FOXN3: variants seen among roughly 807,000 people sequenced by gnomAD.
The protein encoded by FOXN3 is forkhead box protein N3.
A neutral mutation model predicts 38.4 loss-of-function variants in FOXN3; 7 were observed. The observed-to-expected ratio is 0.18, with a 90% CI of 0.10 to 0.34. FOXN3 has a LOEUF of 0.34. Among genes scored for constraint, FOXN3 ranks in the 10% least tolerant of loss-of-function variants. The pLI, the probability that FOXN3 is intolerant of heterozygous loss-of-function variation, is 1.00. For missense variants in FOXN3, 456 were observed against 613.4 expected (o/e 0.74, Z 2.71); for synonymous variants, 230 against 242.2 (o/e 0.95, Z 0.47).
At chr14:89,196,114 C>T (rs1436214807) in intron 4 of FOXN3, among the ~76,000 whole-genome samples, 10 of 152,200 alleles carry the variant, frequency 6.6e-5, no homozygotes, top group Non-Finnish European at 8.8e-5. Flanking sequence ...TATCACATTG[C>T]CTCTTCTCTG....
intron 1 of FOXN3, among the ~76,000 whole-genome samples, chr14:89,475,106 G>A (rs751560844): frequency 6.6e-6 from 1 of 152,018 alleles, no homozygotes; most frequent in Non-Finnish European, 1.5e-5. Context: ...GAGCCACCGC[G>A]CCCGGCCAGG....
intron 4 of FOXN3, chr14:89,230,815 C>G (rs1393441540): frequency 2.2e-6 from 1 of 451,582 alleles, no homozygotes; most frequent in Non-Finnish European, 4.5e-6. Context: ...TTCTGTAACC[C>G]TCCTTACAGT....
rs552922421 is a variant in FOXN3 at position 89,464,665 on chromosome 14, G to A, written c.-14-52175C>T. The stretch of plus-strand genomic sequence containing the variant: ...AGTTGGAGGTAATTGAATCATGGGG[G>A]CAGTTACCCCCATGCTGCTTTTCTG... On this transcript the variant is annotated intron_variant, in intron 1 of 6. Coordinates refer to the FOXN3 transcript ENST00000345097. Among the ~76,000 whole-genome samples the A allele has an allele frequency of 9.2e-5, 14 of 152,154 alleles. No homozygotes were observed. The South Asian group carries it at 1.2e-3, about 14-fold the overall frequency.
intron 2 of FOXN3, among the ~76,000 whole-genome samples, chr14:89,369,154 C>T (rs1323916368): frequency 1.3e-5 from 2 of 152,100 alleles, no homozygotes; most frequent in Admixed American, 1.3e-4. Context: ...ACTCTCAGAC[C>T]GTGCTTCAAT....
chr14:89,366,495 C>A (rs1180282196), intron 2 of FOXN3, among the ~76,000 whole-genome samples: 1 of 152,036 alleles, frequency 6.6e-6, no homozygotes, highest in Admixed American at 6.6e-5. Context: ...TTGCCCTCTT[C>A]GTGCCTTTTT....
intron 2 of FOXN3, among the ~76,000 whole-genome samples, chr14:89,375,948 T>G (rs1035873645): frequency 6.6e-6 from 1 of 151,850 alleles, no homozygotes; most frequent in Non-Finnish European, 1.5e-5. Flanking sequence ...GCCTGGCTAA[T>G]TTTTTTGTAT....
chr14:89,281,312 A>G (rs1886455151), intron 3 of FOXN3, among the ~76,000 whole-genome samples: 2 of 152,230 alleles, frequency 1.3e-5, no homozygotes, highest in South Asian at 2.1e-4. Context: ...CATAGCGTAT[A>G]ACTTAAGGAT....
At chr14:89,492,549 T>C (rs1313236493) in intron 1 of FOXN3, among the ~76,000 whole-genome samples, 2 of 151,880 alleles carry the variant, frequency 1.3e-5, no homozygotes. Context: ...GCCTGGAAAA[T>C]ATAGTGAGGT....
intron 1 of FOXN3, among the ~76,000 whole-genome samples, chr14:89,528,338 A>G (rs1287336): frequency 0.39 from 56,586 of 143,832 alleles, 11,373 homozygotes; most frequent in East Asian, 0.59. Context: ...AGCAATAAAG[A>G]GGATAGAAGT....
chr14:89,213,135 T>G (rs958582550), intron 4 of FOXN3, among the ~76,000 whole-genome samples: 2 of 152,126 alleles, frequency 1.3e-5, no homozygotes, highest in African/African-American at 4.8e-5. Flanking sequence ...AGCAGATGGA[T>G]AGAATGTGAC....
chr14:89,414,245 A>G (rs1891631504), intron 1 of FOXN3, among the ~76,000 whole-genome samples: 1 of 151,830 alleles, frequency 6.6e-6, no homozygotes, highest in South Asian at 2.1e-4. Flanking sequence ...TGAGCCCAGG[A>G]GGTTGAGGCT....
At chr14:89,566,828 T>TTCCTCC (rs374333609) in intron 1 of FOXN3, among the ~76,000 whole-genome samples, 1 of 149,986 alleles carries the variant, frequency 6.7e-6, no homozygotes, top group South Asian at 2.1e-4. Context: ...CCCTACTCCC[T>TTCCTCC]TCCTCCTCCT....
At chr14:89,389,182 CATCTCTGA>C (rs1019749904) in intron 2 of FOXN3, among the ~76,000 whole-genome samples, 5 of 152,026 alleles carry the variant, frequency 3.3e-5, no homozygotes, top group African/African-American at 1.2e-4. Context: ...TCTTTTTTCC[CATCTCTGA>C]TTCTTTCCTG....
At chr14:89,353,153 T>C (rs1231705778) in intron 2 of FOXN3, among the ~76,000 whole-genome samples, 1 of 152,184 alleles carries the variant, frequency 6.6e-6, no homozygotes, top group African/African-American at 2.4e-5. Context: ...TGAGTGGCCC[T>C]GCACAAATCA....
At chr14:89,197,995 T>G (rs1200758108) in intron 4 of FOXN3, among the ~76,000 whole-genome samples, 1 of 152,220 alleles carries the variant, frequency 6.6e-6, no homozygotes, top group Non-Finnish European at 1.5e-5. Context: ...GGGCATTAAT[T>G]AACCCCCTAC....
Position 89,433,083 on chromosome 14 carries a change from A to G in FOXN3, c.-14-20593T>C, listed in dbSNP as rs563272251. 3.9e-4 allele frequency among the ~76,000 whole-genome samples: 59 copies of G among 152,290 alleles called. No homozygotes were observed. The East Asian group carries it at 0.011, about 28-fold the overall frequency. On this transcript the variant is annotated intron_variant, in intron 1 of 6. Transcript: ENST00000345097. ...GAAACAGACACATTTGGCTGGGCAC[A>G]GTGGCTCACACCTGTAATCCTTTGG... is the stretch of plus-strand genomic sequence containing the variant.
In FOXN3 at chr14:89,428,694, G is replaced by A. The variant is rs575557869; in HGVS notation, c.-14-16204C>T. ...GGGTCCCGGAGGGGGTGCTGCCCAC[G>A]TTGGTGACGGCAGCCATGAGTGCCT... On this transcript the variant is annotated intron_variant, in intron 1 of 6. Transcript: ENST00000345097. 2.8e-4 allele frequency among the ~76,000 whole-genome samples: 42 copies of A among 152,348 alleles called. 1 individual carries two copies. In the South Asian group the frequency reaches 6.6e-3, roughly 24 times the overall value.
intron 1 of FOXN3, among the ~76,000 whole-genome samples, chr14:89,459,759 G>A (rs931559109): frequency 6.6e-6 from 1 of 152,104 alleles, no homozygotes; most frequent in Admixed American, 6.6e-5. Flanking sequence ...AGGCCCTCAG[G>A]TACATCCATA....
intron 3 of FOXN3, among the ~76,000 whole-genome samples, chr14:89,334,453 T>C (rs1285381721): frequency 2.6e-5 from 4 of 151,914 alleles, no homozygotes; most frequent in Admixed American, 2.6e-4. Flanking sequence ...CTACTAAAAA[T>C]ACAAAAATTA....
Sources: allele counts gnomAD v4.1 joint callset (sites outside exome capture counted in the v4.1 genomes callset), GRCh38; gene constraint gnomAD v4.1.1; transcripts MANE v1.5; gene names NCBI Gene and HGNC (gene_info 2026-07-23, HGNC 2026-07-21).